ATF3: variants seen among roughly 807,000 people sequenced by gnomAD.
ATF3 encodes activating transcription factor 3.
A neutral mutation model predicts 18.4 loss-of-function variants in ATF3; 10 were observed. That is an observed-to-expected ratio of 0.54 (90% CI 0.34 to 0.92). ATF3 has a LOEUF of 0.92. ATF3 is among the 40% of genes least tolerant of loss of function. The probability of loss-of-function intolerance (pLI) is 0.02; values close to 1 mark genes in which losing one functional copy is unlikely to be tolerated. For missense variants in ATF3, 183 were observed against 222.3 expected, an observed-to-expected ratio of 0.82 and a Z score of 1.12; for synonymous variants, 78 against 87.9, an observed-to-expected ratio of 0.89 and a Z score of 0.63.
intron 1 of ATF3, among the ~76,000 whole-genome samples, chr1:212,567,009 A>G (rs778831020): frequency 1.3e-5 from 2 of 152,062 alleles, no homozygotes; most frequent in African/African-American, 2.4e-5. Context: ...TAAACAGATT[A>G]ACCTAGGGGT....
At chr1:212,583,166 A>G (rs891796494) in intron 1 of ATF3, among the ~76,000 whole-genome samples, 1 of 152,320 alleles carries the variant, frequency 6.6e-6, no homozygotes, top group East Asian at 1.9e-4. Flanking sequence ...TAGACACTTC[A>G]GTGTCTGAAG....
intron 1 of ATF3, among the ~76,000 whole-genome samples, chr1:212,614,673 T>G (rs904029457): frequency 2.0e-5 from 3 of 152,048 alleles, no homozygotes; most frequent in African/African-American, 7.2e-5. Flanking sequence ...GCCTCACTGA[T>G]TTTTAAAAAA....
chr1:212,594,123 C>T (rs762175971), intron 1 of ATF3, among the ~76,000 whole-genome samples: 21 of 152,178 alleles, frequency 1.4e-4, no homozygotes, highest in Non-Finnish European at 2.8e-4. Flanking sequence ...TCTGGTCTAG[C>T]CCTCCCTGTG....
chr1:212,615,915 A>G (rs1655102926), intron 2 of ATF3, among the ~76,000 whole-genome samples: 1 of 151,256 alleles, frequency 6.6e-6, no homozygotes, highest in Non-Finnish European at 1.5e-5. Flanking sequence ...TCAGCCTCCC[A>G]AAACACTGGG....
At chr1:212,572,108 A>G (rs546329809) in intron 1 of ATF3, among the ~76,000 whole-genome samples, 1 of 152,308 alleles carries the variant, frequency 6.6e-6, no homozygotes, top group Non-Finnish European at 1.5e-5. Flanking sequence ...ATGTCTTGAT[A>G]TGTACATTTT....
intron 1 of ATF3, among the ~76,000 whole-genome samples, chr1:212,567,484 G>C (rs987749637): frequency 1.4e-4 from 21 of 152,182 alleles, no homozygotes. Flanking sequence ...TGTCATGAAA[G>C]GCAGGTGAAC....
upstream of ATF3, among the ~76,000 whole-genome samples, chr1:212,608,429 G>A (rs903905810): frequency 2.6e-5 from 4 of 152,110 alleles, no homozygotes; most frequent in African/African-American, 9.7e-5. Context: ...GGAACACGCA[G>A]CAGCGAGTAC....
intron 1 of ATF3, among the ~76,000 whole-genome samples, chr1:212,583,089 G>A (rs1310267254): frequency 6.6e-6 from 1 of 152,148 alleles, no homozygotes; most frequent in African/African-American, 2.4e-5. Flanking sequence ...CATGGGGCAG[G>A]CTCACTCCTA....
At chr1:212,605,119 G>A (rs547123398), upstream of ATF3, among the ~76,000 whole-genome samples, 1 of 152,250 alleles carries the variant, frequency 6.6e-6, no homozygotes, top group South Asian at 2.1e-4. Context: ...CACTACTGAG[G>A]GCTGACTGGG....
chr1:212,586,444 A>G lies in ATF3; in HGVS notation c.-5+20961A>G, dbSNP rs182714568. On this transcript the variant is annotated intron_variant, in intron 1 of 3. Coordinates refer to the ATF3 transcript ENST00000366981. The stretch of plus-strand genomic sequence containing the variant: ...GTGCAGAGTTAATGACGTAGCAGTG[A>G]CTCCATGGGGCATCTTCAGCACCAA... Among the ~76,000 whole-genome samples, 7 of 152,196 alleles carry G rather than the reference A, an allele frequency of 4.6e-5. No homozygotes were observed. In the East Asian group the frequency reaches 5.8e-4, roughly 13 times the overall value.
In ATF3 at chr1:212,618,625, TCAAA is replaced by T; in HGVS notation, c.348+395_348+398del. On this transcript the variant is annotated intron_variant, in intron 3 of 3. Coordinates refer to ENST00000341491, the MANE Select transcript of ATF3 (RefSeq NM_001674.4). This position sits in a 1 kb window ranked among gnomAD's most constrained non-coding sequence, Gnocchi z 4.4. ...TATGAAAAGCCTTTAATTAATCTCT[TCAAA>T]CAAGTTATTTCCTTAATCCACAAGC... The T allele has an allele frequency of 2.5e-6, 1 of 392,628 alleles. No homozygotes were observed. The highest frequency in any genetic ancestry group is 4.8e-6 in the Non-Finnish European group (1 of 210,452). The allele number at this position is 392,628 out of a possible 1,614,324, so 24.3% of individuals were successfully genotyped here. A position where few individuals can be genotyped will look rare whatever the true frequency, so the allele number is the denominator to read the frequency against.
intron 1 of ATF3, among the ~76,000 whole-genome samples, chr1:212,586,465 A>T (rs1296220957): frequency 6.6e-6 from 1 of 152,206 alleles, no homozygotes; most frequent in Non-Finnish European, 1.5e-5. Context: ...CATCTTCAGC[A>T]CCAAGAGCAA....
chr1:212,565,680 C>A (rs896744248), intron 1 of ATF3, among the ~76,000 whole-genome samples: 1 of 152,012 alleles, frequency 6.6e-6, no homozygotes, highest in Non-Finnish European at 1.5e-5. Flanking sequence ...GGATAGGGAT[C>A]GAAAAGTCCT....
chr1:212,572,822 G>A (rs10158543), intron 1 of ATF3, among the ~76,000 whole-genome samples: 13,236 of 152,112 alleles, frequency 0.087, 1,259 homozygotes, highest in African/African-American at 0.25. Context: ...GATATTTGCT[G>A]TTGTCATTTT....
chr1:212,610,543 G>A (rs1654851731), intron 1 of ATF3, among the ~76,000 whole-genome samples: 1 of 152,242 alleles, frequency 6.6e-6, no homozygotes, highest in African/African-American at 2.4e-5. Context: ...AGCAAAGAAG[G>A]CAGCACCCCA....
chr1:212,592,020 A>T (rs1004754150), intron 1 of ATF3, among the ~76,000 whole-genome samples: 1 of 152,178 alleles, frequency 6.6e-6, no homozygotes, highest in Admixed American at 6.5e-5. Flanking sequence ...AAAATGTTCT[A>T]TTTTAACCAT....
chr1:212,616,002 T>C (rs1655107917), intron 2 of ATF3, among the ~76,000 whole-genome samples: 1 of 151,580 alleles, frequency 6.6e-6, no homozygotes. Context: ...TCACTGATAG[T>C]GACTTTTGAG....
intron 1 of ATF3, among the ~76,000 whole-genome samples, chr1:212,609,601 C>T (rs1474106953): frequency 6.6e-6 from 1 of 152,164 alleles, no homozygotes; most frequent in African/African-American, 2.4e-5. Flanking sequence ...GCTGGTGTCG[C>T]GCTGTCCCGG....
chr1:212,607,516 T>A (rs1007386507), upstream of ATF3, among the ~76,000 whole-genome samples: 1 of 152,192 alleles, frequency 6.6e-6, no homozygotes, highest in Non-Finnish European at 1.5e-5. Context: ...TCTGCTGAGG[T>A]CTCAGCTCGA....
Sources: allele counts gnomAD v4.1 joint callset (sites outside exome capture counted in the v4.1 genomes callset), GRCh38; gene constraint gnomAD v4.1.1; non-coding constraint Gnocchi (gnomAD v3.1); transcripts MANE v1.5; gene names NCBI Gene and HGNC (gene_info 2026-07-23, HGNC 2026-07-21).